The following BBS9 variants were observed in gnomAD, a reference collection of about 807,000 sequenced individuals.
The protein encoded by BBS9 is Bardet-Biedl syndrome 9, also known as protein PTHB1.
In BBS9, 89 loss-of-function variants were observed where a neutral mutation model predicts 117.7. The observed-to-expected ratio is 0.76, with a 90% CI of 0.64 to 0.90. The LOEUF (loss-of-function observed/expected upper bound fraction) is 0.90. Ranked by LOEUF, BBS9 falls within the 40% of genes least tolerant of loss-of-function variation. The probability of loss-of-function intolerance (pLI) is 0.00; values close to 1 mark genes in which losing one functional copy is unlikely to be tolerated. For missense variants in BBS9, 982 were observed against 1,042.2 expected (o/e 0.94, Z 0.80); for synonymous variants, 379 against 370.9 (o/e 1.02, Z -0.25).
intron 21 of BBS9, among the ~76,000 whole-genome samples, chr7:33,544,580 A>C (rs4720125): frequency 0.46 from 69,927 of 151,948 alleles, 16,706 homozygotes; most frequent in South Asian, 0.57. Flanking sequence ...ATACCAGTGC[A>C]TGTTCTGGTG....
intron 5 of BBS9, among the ~76,000 whole-genome samples, chr7:33,229,978 G>A (rs1792030306): frequency 6.6e-6 from 1 of 152,082 alleles, no homozygotes; most frequent in South Asian, 2.1e-4. Context: ...CTATCTCATA[G>A]TGGTTTTGAT....
At chr7:33,489,063 G>T (rs2128990602) in intron 19 of BBS9, among the ~76,000 whole-genome samples, 1 of 146,100 alleles carries the variant, frequency 6.8e-6, no homozygotes, top group Non-Finnish European at 1.5e-5. Flanking sequence ...CATGATCTTG[G>T]CTCACTGCAA....
intron 10 of BBS9, among the ~76,000 whole-genome samples, chr7:33,340,585 T>TA (rs1362894707): frequency 6.6e-6 from 1 of 152,174 alleles, no homozygotes; most frequent in Non-Finnish European, 1.5e-5. Context: ...CTAGCCAACT[T>TA]ACCTTCACAA....
chr7:33,587,626 AT>A (rs1400275892), intron 21 of BBS9, among the ~76,000 whole-genome samples: 2 of 152,108 alleles, frequency 1.3e-5, no homozygotes, highest in African/African-American at 4.8e-5. Flanking sequence ...GGTTAGTCCA[AT>A]TGTTTGACAA....
In BBS9 at chr7:33,340,945, T is replaced by A. The variant is rs1230012192; in HGVS notation, c.1247T>A (p.Val416Glu). The change falls in exon 11 of 23, where the codon GTG (valine) becomes GAG (glutamate). Residue 416 changes from valine to glutamate, a missense_variant. Val to Glu is a moderately radical substitution (Grantham distance 121). Coordinates refer to ENST00000242067, the MANE Select transcript of BBS9 (RefSeq NM_198428.3). ...EREDDLNVSV[V>E]VSPNFDSVSQ... is the part of the protein sequence containing the mutation. ...GAAGATGACTTGAACGTTTCTGTCG[T>A]GGTTTCTCCTAACTTTGATTCAGTT... 1 of 1,613,620 alleles carries A rather than the reference T, an allele frequency of 6.2e-7. No homozygotes were observed. Among genetic ancestry groups the A allele is most frequent in the Non-Finnish European group, 8.5e-7 (1 of 1,179,692 alleles).
At chr7:33,499,490 C>T (rs558670665) in intron 19 of BBS9, among the ~76,000 whole-genome samples, 1 of 152,190 alleles carries the variant, frequency 6.6e-6, no homozygotes, top group Non-Finnish European at 1.5e-5. Context: ...CTATGCTGAC[C>T]TTTTATTACA....
intron 5 of BBS9, among the ~76,000 whole-genome samples, chr7:33,243,689 C>T (rs1039012831): frequency 1.3e-4 from 20 of 152,084 alleles, no homozygotes; most frequent in Admixed American, 3.3e-4. Context: ...TAGTTGTTCC[C>T]AAGTTCCTTA....
At chr7:33,348,349 G>C (rs748126494) in intron 12 of BBS9, among the ~76,000 whole-genome samples, 1 of 152,078 alleles carries the variant, frequency 6.6e-6, no homozygotes, top group Non-Finnish European at 1.5e-5. Context: ...TGTTAGCATG[G>C]TTCCATGGAT....
intron 5 of BBS9, among the ~76,000 whole-genome samples, chr7:33,199,446 G>A (rs932510665): frequency 6.6e-6 from 1 of 151,764 alleles, no homozygotes; most frequent in Non-Finnish European, 1.5e-5. Flanking sequence ...GGCTTTTAAA[G>A]GCTAATATAT....
intron 21 of BBS9, among the ~76,000 whole-genome samples, chr7:33,574,728 C>A (rs189044649): frequency 3.1e-5 from 4 of 127,208 alleles, no homozygotes; most frequent in Admixed American, 1.5e-4. Context: ...CACACACACG[C>A]GCACACACAC....
chr7:33,484,544 A>C (rs947639057), intron 19 of BBS9, among the ~76,000 whole-genome samples: 2 of 152,216 alleles, frequency 1.3e-5, no homozygotes, highest in African/African-American at 4.8e-5. Flanking sequence ...AAAAAAGCTC[A>C]ACATCACTGG....
chr7:33,415,987 C>T (rs1006377054), intron 19 of BBS9, among the ~76,000 whole-genome samples: 2 of 151,992 alleles, frequency 1.3e-5, no homozygotes, highest in Non-Finnish European at 2.9e-5. Context: ...GTGCATCCCA[C>T]CACATCTGGT....
intron 21 of BBS9, among the ~76,000 whole-genome samples, chr7:33,634,785 T>C (rs1346184994): frequency 6.6e-6 from 1 of 152,136 alleles, no homozygotes; most frequent in Non-Finnish European, 1.5e-5. Flanking sequence ...GGAATAAGAC[T>C]TGGTAAGAAC....
intron 5 of BBS9, among the ~76,000 whole-genome samples, chr7:33,240,406 C>T (rs143995690): frequency 0.019 from 2,816 of 151,940 alleles, 41 homozygotes; most frequent in Non-Finnish European, 0.028. Context: ...AACAGGCAGG[C>T]GCCACCATGC....
intron 1 of BBS9, among the ~76,000 whole-genome samples, chr7:33,132,918 T>C (rs538965800): frequency 2.0e-4 from 30 of 152,334 alleles, no homozygotes; most frequent in Non-Finnish European, 2.9e-4. Context: ...CTATTGTTCT[T>C]TTTTTAATAT....
In BBS9 at chr7:33,403,665, G is replaced by A. The variant is rs751212822; in HGVS notation, c.2115+15521G>A. ...TGAACTCATCATTTTTTATGGCTGC[G>A]TAGTATTCCATGGTGTATATGTGCC... On this transcript the variant is annotated intron_variant, in intron 19 of 22. Coordinates refer to ENST00000242067, the MANE Select transcript of BBS9 (RefSeq NM_198428.3). Among the ~76,000 whole-genome samples the A allele has an allele frequency of 7.8e-3, 1,180 of 151,496 alleles. 16 individuals are homozygous for A. The highest frequency in any genetic ancestry group is 0.024 in the African/African-American group (1,005 of 41,272).
At chr7:33,360,866 G>A (rs1820495097) in intron 16 of BBS9, among the ~76,000 whole-genome samples, 1 of 152,022 alleles carries the variant, frequency 6.6e-6, no homozygotes, top group African/African-American at 2.4e-5. Context: ...TCCAGAAGTG[G>A]GCAGTGGAAG....
At chr7:33,281,208 A>T (rs905998092) in intron 9 of BBS9, among the ~76,000 whole-genome samples, 1 of 151,628 alleles carries the variant, frequency 6.6e-6, no homozygotes, top group African/African-American at 2.4e-5. Flanking sequence ...TAGTCAGCTT[A>T]TATTCCTGAT....
rs943119594 is a variant in BBS9 at position 33,215,959 on chromosome 7, G to A, written c.442+38368G>A. Among the ~76,000 whole-genome samples, 3 of 150,546 alleles carry A rather than the reference G, an allele frequency of 2.0e-5. No individual in the cohort carries two copies. In the Admixed American group the frequency reaches 2.0e-4, roughly 10 times the overall value. On this transcript the variant is annotated intron_variant, in intron 5 of 22. Coordinates refer to ENST00000242067, the MANE Select transcript of BBS9 (RefSeq NM_198428.3). Reference sequence around the variant, plus strand: ...TTTTGTCTTACAAATATCATGTTTAGGAAACTAACCTAAAAGAGAAGTCTG... The same window carrying A: ...TTTTGTCTTACAAATATCATGTTTAAGAAACTAACCTAAAAGAGAAGTCTG...
Sources: gnomAD v4.1 joint callset for allele counts (sites outside exome capture counted in the v4.1 genomes callset) on GRCh38, gnomAD v4.1.1 for gene constraint, MANE v1.5 for transcripts, NCBI Gene and HGNC (gene_info 2026-07-23, HGNC 2026-07-21) for gene names.